TRABD2A: variants seen among roughly 807,000 people sequenced by gnomAD.
TRABD2A encodes metalloprotease TIKI1.
A neutral mutation model predicts 45.6 loss-of-function variants in TRABD2A; 43 were observed. The ratio of observed to expected loss-of-function variants is 0.94; its 90% CI spans 0.74 to 1.22. TRABD2A has a LOEUF of 1.22. Among genes scored for constraint, TRABD2A ranks in the 50% most tolerant of loss-of-function variants. The probability of loss-of-function intolerance (pLI) is 0.00; values close to 1 mark genes in which losing one functional copy is unlikely to be tolerated. For synonymous variants in TRABD2A, 269 were observed against 265.0 expected (o/e 1.02, Z -0.15); for missense variants, 642 against 652.4 (o/e 0.98, Z 0.17).
intron 2 of TRABD2A, among the ~76,000 whole-genome samples, chr2:84,853,539 A>G (rs1424024851): frequency 1.3e-5 from 2 of 152,244 alleles, no homozygotes; most frequent in South Asian, 4.2e-4. Context: ...CCCATGACAC[A>G]TGGGGATTAT....
chr2:84,879,674 T>C lies in TRABD2A; in HGVS notation c.108+1258A>G, dbSNP rs1042540114. ...CTTGTGAGGAGATGGACTCCTGCCT[T>C]GTCTAACAAGCATGAAGCGGCCACA... On this transcript the variant is annotated intron_variant, in intron 1 of 6. Transcript: ENST00000409520. 6.6e-6 allele frequency: 6 copies of C among 910,412 alleles called. No homozygotes were observed. The African/African-American group carries it at 9.0e-5, about 14-fold the overall frequency. 56.4% of individuals were successfully genotyped at this position (910,412 alleles called of 1,614,324 possible).
At chr2:84,859,169 C>G (rs180910142) in intron 2 of TRABD2A, among the ~76,000 whole-genome samples, 164 of 152,290 alleles carry the variant, frequency 1.1e-3, no homozygotes, top group African/African-American at 3.5e-3. Flanking sequence ...CATCTCTGCC[C>G]TGGTGGCAGG....
intron 1 of TRABD2A, among the ~76,000 whole-genome samples, chr2:84,876,029 C>T (rs1325193788): frequency 1.3e-5 from 2 of 151,318 alleles, no homozygotes; most frequent in African/African-American, 4.9e-5. Flanking sequence ...GAAAACAGGA[C>T]TTCCTGATGA....
At chr2:84,843,429 G>A (rs1681776473) in intron 2 of TRABD2A, 1 of 152,272 alleles carries the variant, frequency 6.6e-6, no homozygotes, top group Non-Finnish European at 1.5e-5. Flanking sequence ...GAGTGGTGAG[G>A]AGACAAGGCT....
chr2:84,832,245 C>T, intron 4 of TRABD2A, 100 bp from the exon 5 acceptor site: 1 of 1,223,148 alleles, frequency 8.2e-7, no homozygotes, highest in Non-Finnish European at 1.2e-6. Flanking sequence ...CCTGCCAAGC[C>T]CCCTGCCTAT....
intron 2 of TRABD2A, among the ~76,000 whole-genome samples, chr2:84,860,359 A>G (rs946081637): frequency 2.0e-5 from 3 of 152,198 alleles, no homozygotes; most frequent in Non-Finnish European, 2.9e-5. Flanking sequence ...ACTGGTGTCC[A>G]TATAAGAAGA....
At chr2:84,839,464 C>T in intron 3 of TRABD2A, 141 bp from the exon 4 acceptor site, 1 of 792,984 alleles carries the variant, frequency 1.3e-6, no homozygotes, top group Non-Finnish European at 2.0e-6. Flanking sequence ...AGTTTCCTGT[C>T]TGCTATGTTT....
At chr2:84,826,906 T>C (rs1241607644) in intron 5 of TRABD2A, among the ~76,000 whole-genome samples, 1 of 152,224 alleles carries the variant, frequency 6.6e-6, no homozygotes, top group Non-Finnish European at 1.5e-5. Context: ...ATTCTCATTG[T>C]AGAAAATATA....
chr2:84,852,191 C>A (rs1213384264), intron 2 of TRABD2A, among the ~76,000 whole-genome samples: 1 of 152,174 alleles, frequency 6.6e-6, no homozygotes, highest in Non-Finnish European at 1.5e-5. Flanking sequence ...CTTCTACAGT[C>A]ATAAACCTGT....
Position 84,831,972 on chromosome 2 carries a change from C to T in TRABD2A, c.1082+83G>A, listed in dbSNP as rs969371968. The T allele has an allele frequency of 2.8e-6, 4 of 1,441,380 alleles. No homozygotes were observed. The African/African-American group carries it at 5.6e-5, about 20-fold the overall frequency. The allele number at this position is 1,441,380 out of a possible 1,614,324, so 89.3% of individuals were successfully genotyped here. Reference sequence around the variant, plus strand: ...GAGGCAGGGGTTCTCTGGAGCTCCTCAAGATAGCAGCCCACCCTGGTGCCC... The same window carrying T: ...GAGGCAGGGGTTCTCTGGAGCTCCTTAAGATAGCAGCCCACCCTGGTGCCC... On this transcript the variant is annotated intron_variant, in intron 5 of 6. Coordinates refer to ENST00000409520, the MANE Select transcript of TRABD2A (RefSeq NM_001277053.2).
At chr2:84,850,560 C>T (rs1246216103) in intron 2 of TRABD2A, among the ~76,000 whole-genome samples, 2 of 152,040 alleles carry the variant, frequency 1.3e-5, no homozygotes, top group African/African-American at 4.8e-5. Context: ...AAGGTGGAGG[C>T]CCCAGAGAGA....
rs185232825 is a variant in TRABD2A, at chr2:84,871,750, G to A, written c.109-965C>T. ...TCCGCCCACCTCAGCCTCCCAAAGT[G>A]CTGGAATTACAGGCGTGAGCCATTG... On this transcript the variant is annotated intron_variant, in intron 1 of 6. Transcript: ENST00000409520. 6.7e-4 allele frequency among the ~76,000 whole-genome samples: 102 copies of A among 152,260 alleles called. 1 individual carries two copies. Among genetic ancestry groups the A allele is most frequent in the Non-Finnish European group, 1.9e-4 (13 of 68,026 alleles).
chr2:84,848,732 C>T (rs1002073752), intron 2 of TRABD2A, among the ~76,000 whole-genome samples: 2 of 151,770 alleles, frequency 1.3e-5, no homozygotes, highest in Admixed American at 6.6e-5. Flanking sequence ...CCCACCACCA[C>T]GCCCAGCTAT....
chr2:84,847,015 C>G (rs969797503), intron 2 of TRABD2A, among the ~76,000 whole-genome samples: 1 of 152,218 alleles, frequency 6.6e-6, no homozygotes, highest in African/African-American at 2.4e-5. Flanking sequence ...TGGAGGGAAG[C>G]TGGGCAGGGG....
At chr2:84,866,572 A>C (rs1228041189) in intron 2 of TRABD2A, among the ~76,000 whole-genome samples, 1 of 152,330 alleles carries the variant, frequency 6.6e-6, no homozygotes, top group African/African-American at 2.4e-5. Flanking sequence ...CATCTTGAGA[A>C]GTTTGAGAGT....
intron 3 of TRABD2A, among the ~76,000 whole-genome samples, chr2:84,839,582 C>G (rs1179810655): frequency 2.0e-5 from 3 of 151,584 alleles, no homozygotes; most frequent in Non-Finnish European, 4.4e-5. Context: ...AGTTAAATGG[C>G]TCTGTCTGAT....
rs746331257 is a variant in TRABD2A at position 84,821,919 on chromosome 2, AC to A, written c.1515del (p.Ter506AsnfsTer15). ...VLAFQTETPL[L>X] ...TCTTAGCCTGGTGCTTCCAGTCGTT[AC>A]AGGAGGGGTGTCTCTGTTTGGAAAG... On this transcript the variant is annotated frameshift_variant, in exon 7 of 7. Transcript: ENST00000409520. LOFTEE classifies it high-confidence loss of function. 2 of 1,594,198 alleles carry A rather than the reference AC, an allele frequency of 1.3e-6. 1 individual carries two copies. The highest frequency in any genetic ancestry group is 2.3e-5 in the South Asian group (2 of 86,996).
chr2:84,872,635 G>T (rs2105411196), intron 1 of TRABD2A, among the ~76,000 whole-genome samples: 1 of 152,248 alleles, frequency 6.6e-6, no homozygotes, highest in Admixed American at 6.5e-5. Context: ...TGCTTCCCTT[G>T]GATCATGAAG....
chr2:84,871,462 G>A (rs1682870299), intron 1 of TRABD2A, among the ~76,000 whole-genome samples: 1 of 151,862 alleles, frequency 6.6e-6, no homozygotes, highest in Non-Finnish European at 1.5e-5. Context: ...CAGAATCTCT[G>A]GAGGTGGAAC....
Sources: gnomAD v4.1 joint callset for allele counts (sites outside exome capture counted in the v4.1 genomes callset) on GRCh38, gnomAD v4.1.1 for gene constraint, MANE v1.5 for transcripts, NCBI Gene and HGNC (gene_info 2026-07-23, HGNC 2026-07-21) for gene names.